Variants in PCTP observed in about 807,000 individuals in gnomAD.
PCTP encodes the protein phosphatidylcholine transfer protein, also known as START domain-containing protein 2.
Under a neutral mutation model 31.0 loss-of-function variants are expected in PCTP, and 27 were observed. That is an observed-to-expected ratio of 0.87 (90% CI 0.64 to 1.20). The LOEUF is 1.20. PCTP is among the 50% of genes most tolerant of loss of function. The pLI is 0.00. For synonymous variants in PCTP, 108 were observed against 101.2 expected (o/e 1.07, Z -0.40); for missense variants, 287 against 268.2 (o/e 1.07, Z -0.49).
chr17:55,846,548 T>C (rs1335645754), downstream of PCTP, among the ~76,000 whole-genome samples: 1 of 152,192 alleles, frequency 6.6e-6, no homozygotes, highest in Non-Finnish European at 1.5e-5. Flanking sequence ...AGCTAAGATA[T>C]GAAGGACAGG....
intron 3 of PCTP, among the ~76,000 whole-genome samples, chr17:55,794,394 C>T (rs1598002199): frequency 6.6e-6 from 1 of 151,696 alleles, no homozygotes; most frequent in South Asian, 2.1e-4. Flanking sequence ...ACATTTCATT[C>T]CTTTGTAAGA....
At chr17:55,824,784 C>T (rs1905344899), downstream of PCTP, among the ~76,000 whole-genome samples, 1 of 152,168 alleles carries the variant, frequency 6.6e-6, no homozygotes, top group Non-Finnish European at 1.5e-5. Context: ...CACTAAACTC[C>T]CTCTTGGAAC....
At chr17:55,832,794 T>G (rs1284757456) in intron 5 of PCTP, among the ~76,000 whole-genome samples, 1 of 152,220 alleles carries the variant, frequency 6.6e-6, no homozygotes, top group Non-Finnish European at 1.5e-5. Flanking sequence ...ATATTGCCTG[T>G]GTTCTGCTAG....
chr17:55,833,634 C>T (rs1026858465), intron 5 of PCTP, among the ~76,000 whole-genome samples: 10 of 152,312 alleles, frequency 6.6e-5, no homozygotes, highest in Admixed American at 2.0e-4. Flanking sequence ...GCAGATCTAC[C>T]AATTCATACA....
At chr17:55,839,858 T>C (rs1389285667) in intron 5 of PCTP, among the ~76,000 whole-genome samples, 1 of 131,130 alleles carries the variant, frequency 7.6e-6, no homozygotes, top group East Asian at 2.2e-4. Context: ...AGGCGGAGCT[T>C]GCAGTGAGCC....
chr17:55,762,852 C>G (rs1379206342), intron 1 of PCTP, among the ~76,000 whole-genome samples: 1 of 152,142 alleles, frequency 6.6e-6, no homozygotes, highest in Non-Finnish European at 1.5e-5. Context: ...ACGGGGTTCT[C>G]TTAATAAGGA....
At chr17:55,845,244 T>C (rs1001002786), downstream of PCTP, among the ~76,000 whole-genome samples, 6 of 152,102 alleles carry the variant, frequency 3.9e-5, no homozygotes, top group African/African-American at 1.4e-4. Flanking sequence ...GCTCAGCCAA[T>C]AGGTGTTTAT....
At chr17:55,773,315 C>A (rs1911111995) in intron 3 of PCTP, among the ~76,000 whole-genome samples, 1 of 152,200 alleles carries the variant, frequency 6.6e-6, no homozygotes, top group Non-Finnish European at 1.5e-5. Flanking sequence ...AATGCCCCCA[C>A]CAAGCCTGTC....
At chr17:55,764,686 A>G (rs1188468902) in intron 1 of PCTP, among the ~76,000 whole-genome samples, 2 of 152,190 alleles carry the variant, frequency 1.3e-5, no homozygotes, top group Non-Finnish European at 2.9e-5. Context: ...CACCCAAGCT[A>G]GAAGACCCTT....
chr17:55,846,598 G>A (rs996704741), downstream of PCTP, among the ~76,000 whole-genome samples: 1 of 152,194 alleles, frequency 6.6e-6, no homozygotes, highest in Non-Finnish European at 1.5e-5. Context: ...TACATCATGT[G>A]TAAGAACCAA....
At chr17:55,778,255 TAGAG>T (rs966355656), downstream of PCTP, among the ~76,000 whole-genome samples, 47 of 151,880 alleles carry the variant, frequency 3.1e-4, no homozygotes, top group Non-Finnish European at 4.3e-4. Flanking sequence ...GGCCTTTACT[TAGAG>T]GGACTTGCAC....
At position 55,807,781 on chromosome 17, in the gene PCTP, C is replaced by T. The variant is rs188284682; in HGVS notation, c.318-14980C>T. On this transcript the variant is annotated intron_variant, in intron 3 of 3. Transcript: ENST00000572536. ...GTTAAGACTCTAGAGCAACTTGAGT[C>T]GAGACTACCATGGAATTCACAATAA... is the stretch of plus-strand genomic sequence containing the variant. 1.4e-4 allele frequency among the ~76,000 whole-genome samples: 21 copies of T among 152,198 alleles called. No individual in the cohort carries two copies. The East Asian group carries it at 2.3e-3, about 17-fold the overall frequency.
At chr17:55,827,921 C>T (rs1015962801), downstream of PCTP, among the ~76,000 whole-genome samples, 1 of 152,144 alleles carries the variant, frequency 6.6e-6, no homozygotes, top group African/African-American at 2.4e-5. Context: ...TGTAAAACCA[C>T]TGTTACTCCC....
intron 3 of PCTP, among the ~76,000 whole-genome samples, chr17:55,796,254 A>G (rs1469406426): frequency 6.6e-6 from 1 of 152,038 alleles, no homozygotes; most frequent in African/African-American, 2.4e-5. Context: ...CTATTAGTTT[A>G]TTTTGTAAGC....
chr17:55,792,065 C>T (rs1052157428), intron 3 of PCTP, among the ~76,000 whole-genome samples: 1 of 145,374 alleles, frequency 6.9e-6, no homozygotes, highest in African/African-American at 2.6e-5. Context: ...AACAAAAAAC[C>T]AAACACCGCA....
intron 3 of PCTP, among the ~76,000 whole-genome samples, chr17:55,794,055 G>C (rs1912098175): frequency 6.6e-6 from 1 of 152,044 alleles, no homozygotes; most frequent in Non-Finnish European, 1.5e-5. Context: ...TGACATTTAA[G>C]CTTAGATCTG....
At chr17:55,786,835 A>G (rs555689945) in intron 2 of PCTP, among the ~76,000 whole-genome samples, 3 of 152,274 alleles carry the variant, frequency 2.0e-5, no homozygotes, top group Non-Finnish European at 2.9e-5. Flanking sequence ...ACCGTTTCCA[A>G]TGAGAGCAAT....
intron 3 of PCTP, among the ~76,000 whole-genome samples, chr17:55,819,038 G>C (rs201081618): frequency 3.4e-5 from 3 of 89,098 alleles, no homozygotes; most frequent in Non-Finnish European, 7.1e-5. Flanking sequence ...AAAAAAAAAA[G>C]AAAAGGAAAG....
Position 55,751,225 on chromosome 17 carries a change from T to A in PCTP, c.122T>A (p.Ile41Asn). The part of the protein sequence containing the change: ...QLLVETSGIS[I>N]YRLLDKKTGL... ...CTAGTGGAGACCTCGGGCATCAGCA[T>A]CTACCGGCTGCTGGACAAGGTAGCG... Residue 41 changes from isoleucine to asparagine, a missense_variant, in exon 1 of 6, where the codon ATC (isoleucine) becomes AAC (asparagine). By Grantham distance (149) the Ile-to-Asn change is moderately radical. Coordinates refer to ENST00000268896, the MANE Select transcript of PCTP (RefSeq NM_021213.4). 1 of 1,544,962 alleles carries A rather than the reference T, an allele frequency of 6.5e-7. No homozygotes were observed. The highest frequency in any genetic ancestry group is 8.7e-7 in the Non-Finnish European group (1 of 1,144,564).
Sources: allele counts gnomAD v4.1 joint callset (sites outside exome capture counted in the v4.1 genomes callset), GRCh38; gene constraint gnomAD v4.1.1; transcripts MANE v1.5; gene names NCBI Gene and HGNC (gene_info 2026-07-23, HGNC 2026-07-21).